Variants in MPP4 observed in about 807,000 individuals in gnomAD.
The protein encoded by MPP4 is MAGUK p55 scaffold protein 4.
In MPP4, 91 loss-of-function variants were observed where a neutral mutation model predicts 98.3. The observed-to-expected ratio is 0.93, with a 90% CI of 0.78 to 1.10. MPP4 has a LOEUF of 1.10. Ranked by LOEUF, MPP4 falls within the 50% of genes least tolerant of loss-of-function variation. MPP4 has a pLI of 0.00. For missense variants in MPP4, 744 were observed against 792.9 expected (o/e 0.94, Z 0.74); for synonymous variants, 261 against 271.8 (o/e 0.96, Z 0.39).
In MPP4 at chr2:201,690,208, GGATAA is replaced by G; in HGVS notation, c.268_272del (p.Ser91Ter). 6.2e-7 allele frequency: 1 copy of G among 1,605,994 alleles called. No homozygotes were observed. Among genetic ancestry groups the G allele is most frequent in the South Asian group, 1.1e-5 (1 of 89,248 alleles). On this transcript the variant is annotated frameshift_variant, in exon 4 of 22. Transcript: ENST00000409474. LOFTEE classifies it high-confidence loss of function. ...TGGAATAAAATCTCCTTACCTCATA[GGATAA>G]CACCTGTGCATGTGGTGTGGCAGGA...
intron 12 of MPP4, chr2:201,666,766 A>T (rs1389339038): frequency 1.3e-5 from 2 of 152,512 alleles, no homozygotes; most frequent in South Asian, 2.1e-4. Context: ...AAAAATAAAA[A>T]AAATTCCCTA....
rs970197300 is a variant in MPP4 at position 201,669,348 on chromosome 2, T to A, written c.1012+385A>T. Among the ~76,000 whole-genome samples the A allele has an allele frequency of 5.9e-5, 9 of 152,160 alleles. No individual in the cohort carries two copies. In the East Asian group the frequency reaches 1.7e-3, roughly 29 times the overall value. On this transcript the variant is annotated intron_variant, in intron 12 of 21. Transcript: ENST00000409474. ...TAACATGGGAATAATAATAATAATT[T>A]TCACTATAGTTTTATTGTTAGGTAA...
At position 201,685,066 on chromosome 2, in the gene MPP4, C is replaced by T. The variant is rs770536678; in HGVS notation, c.572G>A (p.Ser191Asn). 3.1e-6 allele frequency: 5 copies of T among 1,610,242 alleles called. No homozygotes were observed. In the East Asian group the frequency reaches 6.7e-5, roughly 22 times the overall value. ...CAATCCCAGCTGCTCCAGCTTACCACTTCTCTCCGCCAGCCCACCGTGGAT... is the reference window on the plus strand; with the variant it reads ...CAATCCCAGCTGCTCCAGCTTACCATTTCTCTCCGCCAGCCCACCGTGGAT... The part of the protein sequence containing the change: ...RIIHGGLAER[S>N]GLLYAGDKLV... The change falls in exon 7 of 22, where the codon AGT (serine) becomes AAT (asparagine). Residue 191 changes from serine to asparagine, a missense_variant and splice_region_variant. By Grantham distance (46) the Ser-to-Asn change is conservative. Coordinates refer to ENST00000409474, the MANE Select transcript of MPP4 (RefSeq NM_033066.3).
Position 201,656,244 on chromosome 2 carries a change from C to T in MPP4, c.1254G>A (p.Arg418=), listed in dbSNP as rs1291794555. The T allele has an allele frequency of 1.9e-6, 3 of 1,603,806 alleles. No individual in the cohort carries two copies. The Admixed American group carries it at 5.1e-5, about 27-fold the overall frequency. Residue 418 remains arginine (R), a synonymous_variant, in exon 17 of 22, where the codon AGG becomes AGA. Coordinates refer to ENST00000409474, the MANE Select transcript of MPP4 (RefSeq NM_033066.3). Reference sequence around the variant, plus strand: ...ACTTGTCTGAAGGGCGTCGCTGGTACCTCACCACCTCCTCGTAAGGGGCAC... The same window carrying T: ...ACTTGTCTGAAGGGCGTCGCTGGTATCTCACCACCTCCTCGTAAGGGGCAC... ...AVGAPYEEVV[R]YQRRPSDKYR...
At chr2:201,668,440 C>T (rs991824492) in intron 12 of MPP4, among the ~76,000 whole-genome samples, 11 of 146,800 alleles carry the variant, frequency 7.5e-5, no homozygotes, top group Non-Finnish European at 1.3e-4. Flanking sequence ...ATCAATCGAT[C>T]TCTCTCTCTT....
At chr2:201,696,868 C>T (rs991617009) in intron 1 of MPP4, among the ~76,000 whole-genome samples, 8 of 152,324 alleles carry the variant, frequency 5.3e-5, no homozygotes, top group Non-Finnish European at 1.2e-4. Context: ...TAATCTACAA[C>T]TTATGCAAAT....
In MPP4 at chr2:201,680,866, G is replaced by A. The variant is rs778442303; in HGVS notation, c.901C>T (p.Leu301Phe). ...TTCAGAAGGTGGTTAGAAGGGACAA[G>A]CCCAGCGCAGGTAGCAGGGTCTGAG... is the stretch of plus-strand genomic sequence containing the variant. Reference protein sequence around the residue: ...KISDPATCAGLVPSNHLLKRK... With the variant: ...KISDPATCAGFVPSNHLLKRK... Residue 301 changes from leucine to phenylalanine, a missense_variant, in exon 10 of 22, where the codon CTT (leucine) becomes TTT (phenylalanine). Leu to Phe is a conservative substitution (Grantham distance 22). Coordinates refer to ENST00000409474, the MANE Select transcript of MPP4 (RefSeq NM_033066.3). 6.2e-7 allele frequency: 1 copy of A among 1,613,380 alleles called. No individual in the cohort carries two copies. The highest frequency in any genetic ancestry group is 1.1e-5 in the South Asian group (1 of 90,870).
chr2:201,693,940 G>T lies in MPP4; in HGVS notation c.15C>A (p.Asp5Glu), dbSNP rs772997329. The T allele has an allele frequency of 2.5e-6, 4 of 1,613,942 alleles. No individual in the cohort carries two copies. The highest frequency in any genetic ancestry group is 3.4e-6 in the Non-Finnish European group (4 of 1,179,868). The change falls in exon 2 of 22, where the codon GAC (aspartate) becomes GAA (glutamate). Residue 5 changes from aspartate to glutamate, a missense_variant. Coordinates refer to ENST00000409474, the MANE Select transcript of MPP4 (RefSeq NM_033066.3). Reference sequence around the variant, plus strand: ...TCTTGTCTGGTGGATCTGCTCCTTTGTCTGACTGTATCATCCTCCCTGCCG... The same window carrying T: ...TCTTGTCTGGTGGATCTGCTCCTTTTTCTGACTGTATCATCCTCCCTGCCG... MIQS[D>E]KGADPPDKKD...
intron 21 of MPP4, among the ~76,000 whole-genome samples, chr2:201,647,189 T>TG (rs1229012826): frequency 1.3e-5 from 2 of 152,224 alleles, no homozygotes; most frequent in African/African-American, 2.4e-5. Flanking sequence ...CCCCCTCTAT[T>TG]ATTACCATCA....
intron 2 of MPP4, 127 bp from the exon 3 acceptor site, chr2:201,693,156 AGATCTG>A: frequency 9.3e-7 from 1 of 1,077,624 alleles, no homozygotes; most frequent in Non-Finnish European, 1.3e-6. Flanking sequence ...TCAGGCCAAA[AGATCTG>A]ACTTCAAGCC....
In MPP4 at chr2:201,693,990, T is replaced by C. The variant is rs767085411; in HGVS notation, c.-36A>G. The C allele has an allele frequency of 2.1e-4, 331 of 1,613,696 alleles. No individual in the cohort carries two copies. Among genetic ancestry groups the C allele is most frequent in the Non-Finnish European group, 2.8e-4 (325 of 1,179,802 alleles). On this transcript the variant is annotated 5_prime_UTR_variant, in exon 2 of 22. Coordinates refer to ENST00000409474, the MANE Select transcript of MPP4 (RefSeq NM_033066.3). Reference sequence around the variant, plus strand: ...GGAGCTTCTGAAAGGAATTCAGGACTAGGAAGCGGGTCAATACACGGCACA... The same window carrying C: ...GGAGCTTCTGAAAGGAATTCAGGACCAGGAAGCGGGTCAATACACGGCACA...
In MPP4 at chr2:201,680,855, A is replaced by T; in HGVS notation, c.912T>A (p.Ser304=). ...DPATCAGLVP[S]NHLLKRKQRE... is the part of the protein sequence containing the mutation. ...TTCCTTACCTCTTCAGAAGGTGGTT[A>T]GAAGGGACAAGCCCAGCGCAGGTAG... The change falls in exon 10 of 22, where the codon TCT becomes TCA. Residue 304 remains serine, a synonymous_variant. Coordinates refer to ENST00000409474, the MANE Select transcript of MPP4 (RefSeq NM_033066.3). 1 of 1,613,040 alleles carries T rather than the reference A, an allele frequency of 6.2e-7. No individual in the cohort carries two copies. Among genetic ancestry groups the T allele is most frequent in the African/African-American group, 1.3e-5 (1 of 75,052 alleles).
At chr2:201,688,596 C>T (rs1469561314) in intron 4 of MPP4, among the ~76,000 whole-genome samples, 1 of 152,034 alleles carries the variant, frequency 6.6e-6, no homozygotes, top group Admixed American at 6.6e-5. Context: ...AGAAGCATGC[C>T]TGATGATTTG....
rs74887695 is a variant in MPP4, at chr2:201,664,107, A to AT, written c.1052-7dup. The stretch of plus-strand genomic sequence containing the variant: ...AGATTCAAATGTTTCTTCATCTATG[A>AT]TTTTTCATGGAGGCAAAAATCAAAA... On this transcript the variant is annotated splice_region_variant and splice_polypyrimidine_tract_variant and intron_variant, in intron 13 of 21. Transcript: ENST00000409474. The AT allele has an allele frequency of 0.48, 730,413 of 1,522,672 alleles. 183,399 individuals carry two copies. The highest frequency in any genetic ancestry group is 0.52 in the Non-Finnish European group (580,794 of 1,125,234). 94.3% of individuals were successfully genotyped at this position (1,522,672 alleles called of 1,614,324 possible). A position where few individuals can be genotyped will look rare whatever the true frequency, so the allele number is the denominator to read the frequency against.
At chr2:201,681,193 C>T (rs1195953534) in intron 9 of MPP4, among the ~76,000 whole-genome samples, 159 bp from the exon 10 acceptor site, 1 of 152,190 alleles carries the variant, frequency 6.6e-6, no homozygotes, top group Non-Finnish European at 1.5e-5. Flanking sequence ...GAGAACTCGC[C>T]TCCTGAGCCT....
intron 1 of MPP4, among the ~76,000 whole-genome samples, chr2:201,695,503 T>C (rs1689153736): frequency 6.6e-6 from 1 of 152,146 alleles, no homozygotes; most frequent in South Asian, 2.1e-4. Context: ...TAATATACAA[T>C]GGGGAGTAGG....
At chr2:201,646,949 T>C (rs1687573603) in intron 21 of MPP4, 1 of 152,240 alleles carries the variant, frequency 6.6e-6, no homozygotes, top group South Asian at 2.1e-4. Flanking sequence ...TATGTATTTT[T>C]ACCACACATA....
intron 7 of MPP4, among the ~76,000 whole-genome samples, chr2:201,684,763 A>G (rs1688768568): frequency 6.6e-6 from 1 of 151,916 alleles, no homozygotes; most frequent in African/African-American, 2.4e-5. Flanking sequence ...ATCCTGGCTA[A>G]CACGGTGAAA....
At position 201,693,862 on chromosome 2, in the gene MPP4, C is replaced by T; in HGVS notation, c.79+14G>A. Reference sequence around the variant, plus strand: ...TACTTTCTGGTCTAGAAAAGGAGTCCTGGTGACACATACCATTCTGTGGAT... The same window carrying T: ...TACTTTCTGGTCTAGAAAAGGAGTCTTGGTGACACATACCATTCTGTGGAT... On this transcript the variant is annotated intron_variant, in intron 2 of 21. Transcript: ENST00000409474. 6.2e-7 allele frequency: 1 copy of T among 1,613,884 alleles called. No individual in the cohort carries two copies. Among genetic ancestry groups the T allele is most frequent in the Non-Finnish European group, 8.5e-7 (1 of 1,179,792 alleles).
Sources: gnomAD v4.1 joint callset for allele counts (sites outside exome capture counted in the v4.1 genomes callset) on GRCh38, gnomAD v4.1.1 for gene constraint, MANE v1.5 for transcripts, NCBI Gene and HGNC (gene_info 2026-07-23, HGNC 2026-07-21) for gene names.